The following TAFA2 variants were observed in gnomAD, a reference collection of about 807,000 sequenced individuals.
The protein encoded by TAFA2 is TAFA chemokine like family member 2.
TAFA2 carries 7 observed loss-of-function variants against 18.8 expected under a neutral mutation model. That is an observed-to-expected ratio of 0.37 (90% CI 0.21 to 0.70). TAFA2 has a LOEUF of 0.70. TAFA2 is among the 30% of genes least tolerant of loss of function. The pLI, the probability that TAFA2 is intolerant of heterozygous loss-of-function variation, is 0.53. For synonymous variants in TAFA2, 60 were observed against 54.2 expected (o/e 1.11, Z -0.47); for missense variants, 122 against 158.1 (o/e 0.77, Z 1.23).
chr12:61,806,950 A>C (rs561255790), intron 2 of TAFA2, among the ~76,000 whole-genome samples: 2 of 152,324 alleles, frequency 1.3e-5, no homozygotes, highest in African/African-American at 4.8e-5. Context: ...GCAGAGCATA[A>C]AAGTTTGCAA....
chr12:62,187,651 T>C (rs927449168), intron 1 of TAFA2, among the ~76,000 whole-genome samples: 1 of 152,198 alleles, frequency 6.6e-6, no homozygotes, highest in African/African-American at 2.4e-5. Flanking sequence ...GAATTGTTTA[T>C]TTCATTGACG....
rs544924655 is a variant in TAFA2, at chr12:61,775,189, CTCAT to C, written c.107-20169_107-20166del. Among the ~76,000 whole-genome samples the C allele has an allele frequency of 2.8e-4, 42 of 151,918 alleles. 1 individual carries two copies. The East Asian group carries it at 7.6e-3, about 27-fold the overall frequency. The stretch of plus-strand genomic sequence containing the variant: ...GCAAGGATGTGGAGCAACAAGAACT[CTCAT>C]TCATTGCTAGTGGGGAATGTAAAAT... On this transcript the variant is annotated intron_variant, in intron 2 of 4. Transcript: ENST00000416284.
At chr12:61,888,568 T>C (rs1875491239) in intron 1 of TAFA2, among the ~76,000 whole-genome samples, 1 of 152,166 alleles carries the variant, frequency 6.6e-6, no homozygotes, top group African/African-American at 2.4e-5. Context: ...GGATAACAAC[T>C]CACATTTTGC....
chr12:61,920,583 T>C (rs930927764), intron 1 of TAFA2, among the ~76,000 whole-genome samples: 1 of 152,190 alleles, frequency 6.6e-6, no homozygotes, highest in Non-Finnish European at 1.5e-5. Flanking sequence ...CTTGTTACGA[T>C]GATATATAGA....
chr12:62,060,065 G>A (rs1882304064), intron 1 of TAFA2, among the ~76,000 whole-genome samples: 1 of 152,156 alleles, frequency 6.6e-6, no homozygotes, highest in Non-Finnish European at 1.5e-5. Context: ...CTGGGGGTCA[G>A]GAGTCTTGCC....
intron 1 of TAFA2, among the ~76,000 whole-genome samples, chr12:61,997,689 A>G (rs951850626): frequency 6.6e-5 from 10 of 152,156 alleles, no homozygotes; most frequent in African/African-American, 2.4e-4. Flanking sequence ...ACAGCAATCC[A>G]GGAGACAGAT....
At chr12:62,028,762 G>T (rs954073077) in intron 1 of TAFA2, among the ~76,000 whole-genome samples, 1 of 152,130 alleles carries the variant, frequency 6.6e-6, no homozygotes, top group East Asian at 1.9e-4. Flanking sequence ...TAGAAGCCAG[G>T]AATAAATGTG....
chr12:62,164,865 A>G (rs1192141607), intron 1 of TAFA2, among the ~76,000 whole-genome samples: 1 of 152,086 alleles, frequency 6.6e-6, no homozygotes, highest in Non-Finnish European at 1.5e-5. Context: ...GGCTAAACAA[A>G]TAATAGCTCC....
At chr12:62,215,136 C>T (rs1334854880) in intron 1 of TAFA2, among the ~76,000 whole-genome samples, 1 of 152,110 alleles carries the variant, frequency 6.6e-6, no homozygotes, top group African/African-American at 2.4e-5. Flanking sequence ...TCATAAGAGA[C>T]CAAAACTTTC....
At chr12:62,084,384 G>A (rs1592325504) in intron 1 of TAFA2, among the ~76,000 whole-genome samples, 1 of 152,126 alleles carries the variant, frequency 6.6e-6, no homozygotes, top group East Asian at 1.9e-4. Flanking sequence ...AGGTAGAGAC[G>A]TAACACAAAC....
At chr12:61,940,884 A>C (rs1877975505) in intron 1 of TAFA2, among the ~76,000 whole-genome samples, 1 of 151,868 alleles carries the variant, frequency 6.6e-6, no homozygotes, top group Non-Finnish European at 1.5e-5. Flanking sequence ...AAACGGTAGT[A>C]ATTTATTTAA....
At chr12:61,931,748 G>A (rs1877563690) in intron 1 of TAFA2, among the ~76,000 whole-genome samples, 1 of 152,158 alleles carries the variant, frequency 6.6e-6, no homozygotes, top group South Asian at 2.1e-4. Flanking sequence ...AAAATGTGCT[G>A]TGGGCTTATA....
intron 1 of TAFA2, among the ~76,000 whole-genome samples, chr12:62,088,880 TTCTCTC>T (rs35124773): frequency 4.0e-4 from 60 of 149,098 alleles, no homozygotes; most frequent in South Asian, 1.1e-3. Flanking sequence ...ATGTTTTTCT[TTCTCTC>T]TCTCTCTCTC....
intron 1 of TAFA2, among the ~76,000 whole-genome samples, chr12:62,017,420 C>G (rs1157789668): frequency 6.6e-6 from 1 of 152,100 alleles, no homozygotes; most frequent in Non-Finnish European, 1.5e-5. Context: ...TATATGTATT[C>G]TTGCTATATA....
intron 1 of TAFA2, among the ~76,000 whole-genome samples, chr12:62,136,775 G>T (rs1382515541): frequency 3.9e-5 from 6 of 152,162 alleles, no homozygotes; most frequent in African/African-American, 7.2e-5. Context: ...CTCGCATGCA[G>T]AGAGTGGTAT....
At chr12:61,952,488 C>G (rs1384331582) in intron 1 of TAFA2, among the ~76,000 whole-genome samples, 1 of 151,906 alleles carries the variant, frequency 6.6e-6, no homozygotes, top group Non-Finnish European at 1.5e-5. Flanking sequence ...CTTATTCTTT[C>G]CTCAATTTCC....
chr12:62,179,049 C>T (rs1331199098), intron 1 of TAFA2, among the ~76,000 whole-genome samples: 1 of 152,112 alleles, frequency 6.6e-6, no homozygotes, highest in Admixed American at 6.6e-5. Flanking sequence ...AAAGAAATCA[C>T]TTGCATACAA....
intron 4 of TAFA2, among the ~76,000 whole-genome samples, chr12:61,735,934 C>G (rs1338699588): frequency 6.6e-6 from 1 of 152,092 alleles, no homozygotes; most frequent in East Asian, 1.9e-4. Context: ...GCCAAGCATG[C>G]CTTAAACATA....
chr12:61,936,686 C>A (rs1347592702), intron 1 of TAFA2, among the ~76,000 whole-genome samples: 2 of 151,980 alleles, frequency 1.3e-5, no homozygotes, highest in Non-Finnish European at 2.9e-5. Flanking sequence ...TTATAAAAGC[C>A]CTATATGAAA....
Sources: gnomAD v4.1 joint callset for allele counts (sites outside exome capture counted in the v4.1 genomes callset) on GRCh38, gnomAD v4.1.1 for gene constraint, MANE v1.5 for transcripts, NCBI Gene and HGNC (gene_info 2026-07-23, HGNC 2026-07-21) for gene names.